The following ATP5F1A variants were observed in gnomAD, a reference collection of about 807,000 sequenced individuals.
ATP5F1A encodes ATP synthase F(1) complex subunit alpha, mitochondrial.
A neutral mutation model predicts 57.4 loss-of-function variants in ATP5F1A; 24 were observed. That is an observed-to-expected ratio of 0.42 (90% CI 0.30 to 0.59). The LOEUF (loss-of-function observed/expected upper bound fraction) is 0.59. Among genes scored for constraint, ATP5F1A ranks in the 20% least tolerant of loss-of-function variants. The probability of loss-of-function intolerance (pLI) is 0.19; values close to 1 mark genes in which losing one functional copy is unlikely to be tolerated. For synonymous variants in ATP5F1A, 251 were observed against 255.5 expected, an observed-to-expected ratio of 0.98 and a Z score of 0.17; for missense variants, 494 against 707.9, an observed-to-expected ratio of 0.70 and a Z score of 3.43.
At chr18:46,098,304 C>A, upstream of ATP5F1A, 1 of 1,524,952 alleles carries the variant, frequency 6.6e-7, no homozygotes. Flanking sequence ...ATGGCCGAGC[C>A]GCAAAGAAGG....
At chr18:46,098,077 G>T (rs776686907) in intron 1 of ATP5F1A, 95 bp downstream of exon 1, 40 of 1,463,806 alleles carry the variant, frequency 2.7e-5, no homozygotes, top group Non-Finnish European at 3.4e-5. Context: ...ATTCGCCACA[G>T]CCCCTCGCCC....
upstream of ATP5F1A, among the ~76,000 whole-genome samples, chr18:46,102,701 C>T (rs781333705): frequency 3.9e-5 from 6 of 152,030 alleles, no homozygotes; most frequent in Non-Finnish European, 7.4e-5. Flanking sequence ...AATCCCAGCA[C>T]TTTGAGAGGC....
chr18:46,097,230 C>T (rs961981366), intron 1 of ATP5F1A, among the ~76,000 whole-genome samples: 3 of 151,918 alleles, frequency 2.0e-5, no homozygotes, highest in African/African-American at 7.2e-5. Context: ...TTAACAGAAA[C>T]CCAAGATGCT....
At chr18:46,096,982 C>CAAAAAAAAAAAAA (rs71160709) in intron 1 of ATP5F1A, among the ~76,000 whole-genome samples, 21 of 75,168 alleles carry the variant, frequency 2.8e-4, no homozygotes, top group African/African-American at 9.3e-4. Context: ...GACACCATCT[C>CAAAAAAAAAAAAA]AAAAAAAAAA....
At position 46,089,670 on chromosome 18, in the gene ATP5F1A, T is replaced by G. The variant is rs1910403260; in HGVS notation, c.546A>C (p.Arg182=). Reference sequence around the variant, plus strand: ...TCTGCATTGGTTCCCGCACTGAAATTCGAGGAATGATACCGGGGGCTTTCA... The same window carrying G: ...TCTGCATTGGTTCCCGCACTGAAATGCGAGGAATGATACCGGGGGCTTTCA... The part of the protein sequence containing the change: ...VGLKAPGIIP[R]ISVREPMQTG... The change falls in exon 5 of 12, where the codon CGA becomes CGC. Residue 182 remains arginine (R), a synonymous_variant. Coordinates refer to ENST00000398752, the MANE Select transcript of ATP5F1A (RefSeq NM_004046.6). 1 of 1,614,056 alleles carries G rather than the reference T, an allele frequency of 6.2e-7. No individual in the cohort carries two copies. Among genetic ancestry groups the G allele is most frequent in the South Asian group, 1.1e-5 (1 of 91,076 alleles).
upstream of ATP5F1A, among the ~76,000 whole-genome samples, chr18:46,100,251 T>TAAAAAAAAAAAAAAAAAAAGAA: frequency 1.5e-5 from 1 of 68,670 alleles, no homozygotes; most frequent in Non-Finnish European, 2.8e-5. Flanking sequence ...AAACTCCATC[T>TAAAAAAAAAAAAAAAAAAAGAA]AAAAAAAAAA....
intron 1 of ATP5F1A, among the ~76,000 whole-genome samples, chr18:46,097,084 C>T (rs1167620226): frequency 6.6e-6 from 1 of 151,580 alleles, no homozygotes; most frequent in African/African-American, 2.4e-5. Context: ...ATTTTACTCT[C>T]TCAACAAATC....
intron 1 of ATP5F1A, among the ~76,000 whole-genome samples, chr18:46,097,068 G>A (rs893986167): frequency 6.6e-6 from 1 of 150,960 alleles, no homozygotes; most frequent in African/African-American, 2.4e-5. Flanking sequence ...TGTGGCATGT[G>A]GACTTATTTT....
chr18:46,091,891 G>A (rs764942799), intron 2 of ATP5F1A, 40 bp from the exon 3 acceptor site: 3 of 1,581,884 alleles, frequency 1.9e-6, no homozygotes, highest in Non-Finnish European at 2.6e-6. Context: ...AAATAATCTG[G>A]GCCAGGCACA....
intron 1 of ATP5F1A, among the ~76,000 whole-genome samples, chr18:46,097,654 T>C (rs932060585): frequency 3.3e-5 from 5 of 151,618 alleles, no homozygotes; most frequent in Non-Finnish European, 7.4e-5. Context: ...TACGTAAGTA[T>C]TCCAAAAACC....
At chr18:46,098,038 C>T in intron 1 of ATP5F1A, 134 bp downstream of exon 1, 1 of 1,433,004 alleles carries the variant, frequency 7.0e-7, no homozygotes, top group South Asian at 1.5e-5. Flanking sequence ...TCTGTCCAGC[C>T]GGAGAAGCCA....
At chr18:46,096,982 C>CAAAAAAAAAAAAAAAAAAAAA (rs71160709) in intron 1 of ATP5F1A, among the ~76,000 whole-genome samples, 2 of 75,172 alleles carry the variant, frequency 2.7e-5, no homozygotes, top group African/African-American at 6.2e-5. Context: ...GACACCATCT[C>CAAAAAAAAAAAAAAAAAAAAA]AAAAAAAAAA....
In ATP5F1A at chr18:46,080,810, T is replaced by C. The variant is rs1231023517; in HGVS notation, c.*3472A>G. 3 of 152,040 alleles carry C rather than the reference T, an allele frequency of 2.0e-5. No individual in the cohort carries two copies. Among genetic ancestry groups the C allele is most frequent in the Non-Finnish European group, 1.5e-5 (1 of 67,986 alleles). 9.4% of individuals were successfully genotyped at this position (152,040 alleles called of 1,614,324 possible). A position where few individuals can be genotyped will look rare whatever the true frequency, so the allele number is the denominator to read the frequency against. On this transcript the variant is annotated 3_prime_UTR_variant, in exon 12 of 12. Transcript: ENST00000398752. The stretch of plus-strand genomic sequence containing the variant: ...ATCACATATTTTTAAATGTGATATT[T>C]AAAAATCACATTTTTAAATATCACT...
rs957709400 is a variant in ATP5F1A, at chr18:46,086,830, G to T, written c.1176+178C>A. On this transcript the variant is annotated intron_variant, in intron 8 of 11. Coordinates refer to ENST00000398752, the MANE Select transcript of ATP5F1A (RefSeq NM_004046.6). ...ACATGCTACTCTATGCAATAACTGG[G>T]TGACAGATACATGGGGTTTCACTAT... The T allele has an allele frequency of 4.1e-5, 28 of 682,250 alleles. No homozygotes were observed. In the African/African-American group the frequency reaches 4.9e-4, roughly 12 times the overall value. 42.3% of individuals were successfully genotyped at this position (682,250 alleles called of 1,614,324 possible).
chr18:46,098,365 ACCTCT>A, upstream of ATP5F1A: 1 of 1,188,916 alleles, frequency 8.4e-7, no homozygotes, highest in Non-Finnish European at 1.1e-6. Flanking sequence ...CGCGTTCACC[ACCTCT>A]CCCCCCGCCC....
Position 46,090,249 on chromosome 18 carries a change from C to G in ATP5F1A, c.310-253G>C, listed in dbSNP as rs185512108. On this transcript the variant is annotated intron_variant, in intron 3 of 11. Coordinates refer to ENST00000398752, the MANE Select transcript of ATP5F1A (RefSeq NM_004046.6). ...TGCTCACTATCATATCCTCAAATAA[C>G]TATTACAGAAGCAAAGAAATTGGAC... Among the ~76,000 whole-genome samples, 233 of 152,252 alleles carry G rather than the reference C, an allele frequency of 1.5e-3. 1 individual carries two copies. The highest frequency in any genetic ancestry group is 2.6e-3 in the Non-Finnish European group (180 of 68,022).
upstream of ATP5F1A, among the ~76,000 whole-genome samples, chr18:46,100,251 T>C (rs78407639): frequency 1.5e-5 from 1 of 68,670 alleles, no homozygotes; most frequent in Non-Finnish European, 2.8e-5. Context: ...AAACTCCATC[T>C]AAAAAAAAAA....
chr18:46,087,730 ATT>A (rs1224153556), intron 6 of ATP5F1A: 4 of 483,804 alleles, frequency 8.3e-6, no homozygotes, highest in African/African-American at 7.8e-5. Context: ...AAATACAAAA[ATT>A]AGCCGGACGT....
chr18:46,093,827 C>A (rs1409108441), intron 2 of ATP5F1A, among the ~76,000 whole-genome samples: 1 of 150,300 alleles, frequency 6.7e-6, no homozygotes, highest in Non-Finnish European at 1.5e-5. Context: ...AAAAAGGAGG[C>A]CACGCACAGT....
Sources: gnomAD v4.1 joint callset for allele counts (sites outside exome capture counted in the v4.1 genomes callset) on GRCh38, gnomAD v4.1.1 for gene constraint, MANE v1.5 for transcripts, NCBI Gene and HGNC (gene_info 2026-07-23, HGNC 2026-07-21) for gene names.